Variants in CSMD1 observed in about 807,000 individuals in gnomAD.
The protein encoded by CSMD1 is CUB and Sushi multiple domains 1, also known as CUB and sushi domain-containing protein 1.
In CSMD1, 213 loss-of-function variants were observed where a neutral mutation model predicts 417.5. The ratio of observed to expected loss-of-function variants is 0.51; its 90% CI spans 0.46 to 0.57. CSMD1 has a LOEUF of 0.57. Ranked by LOEUF, CSMD1 falls within the 20% of genes least tolerant of loss-of-function variation. The pLI is 0.00. For synonymous variants in CSMD1, 2,862 were observed against 1,736.8 expected, an observed-to-expected ratio of 1.65 and a Z score of -16.11; for missense variants, 6,923 against 4,529.7, an observed-to-expected ratio of 1.53 and a Z score of -15.17.
In CSMD1 at chr8:3,154,457, G is replaced by C. The variant is rs541528036; in HGVS notation, c.5915-2944C>G. On this transcript the variant is annotated intron_variant, in intron 39 of 69. Transcript: ENST00000635120. ...TATTGGTAAATGTGGTTTTTGTAAA[G>C]GGAAAGGAGTTTATTTTTATAAAAT... Among the ~76,000 whole-genome samples, 16 of 152,312 alleles carry C rather than the reference G, an allele frequency of 1.1e-4. No individual in the cohort carries two copies. In the South Asian group the frequency reaches 1.2e-3, roughly 12 times the overall value.
intron 36 of CSMD1, among the ~76,000 whole-genome samples, chr8:3,183,331 G>A (rs1214126642): frequency 6.9e-6 from 1 of 144,840 alleles, no homozygotes; most frequent in African/African-American, 2.6e-5. Context: ...ATCTATCCCT[G>A]AAATATCGAG....
chr8:4,202,909 C>T (rs1401814092), intron 3 of CSMD1, among the ~76,000 whole-genome samples: 1 of 152,108 alleles, frequency 6.6e-6, no homozygotes, highest in South Asian at 2.1e-4. Context: ...ACTGTGTGGA[C>T]ACCTGGAGTG....
At chr8:3,963,002 T>C (rs751785781) in intron 5 of CSMD1, among the ~76,000 whole-genome samples, 2 of 152,136 alleles carry the variant, frequency 1.3e-5, no homozygotes, top group African/African-American at 2.4e-5. Context: ...GGTGGAGCAA[T>C]CTCGGCTCAC....
At chr8:4,962,197 T>A (rs5017388) in intron 1 of CSMD1, among the ~76,000 whole-genome samples, 14,874 of 121,180 alleles carry the variant, frequency 0.12, 1,117 homozygotes, top group African/African-American at 0.26. Flanking sequence ...GCTTTTTTTT[T>A]AAAAAAAAAA....
chr8:3,488,314 C>T (rs531397332), intron 11 of CSMD1, among the ~76,000 whole-genome samples: 1 of 152,014 alleles, frequency 6.6e-6, no homozygotes, highest in East Asian at 1.9e-4. Context: ...CATCCTGTTG[C>T]CCAGGTTGGT....
intron 5 of CSMD1, among the ~76,000 whole-genome samples, chr8:3,890,119 T>G (rs933862445): frequency 6.6e-6 from 1 of 152,174 alleles, no homozygotes; most frequent in Non-Finnish European, 1.5e-5. Context: ...TAATATAACT[T>G]TGATAGTTTA....
intron 5 of CSMD1, among the ~76,000 whole-genome samples, chr8:3,781,978 G>T (rs1799210901): frequency 6.6e-6 from 1 of 152,050 alleles, no homozygotes; most frequent in African/African-American, 2.4e-5. Flanking sequence ...GTAAGAGAAG[G>T]GATGATGATA....
At chr8:3,808,291 G>A (rs549273083) in intron 5 of CSMD1, among the ~76,000 whole-genome samples, 2 of 151,904 alleles carry the variant, frequency 1.3e-5, no homozygotes, top group Non-Finnish European at 2.9e-5. Flanking sequence ...TTTCATTGTT[G>A]TTCTTTTTAT....
chr8:4,062,650 C>T (rs1799036608), intron 3 of CSMD1, among the ~76,000 whole-genome samples: 1 of 151,826 alleles, frequency 6.6e-6, no homozygotes, highest in Non-Finnish European at 1.5e-5. Flanking sequence ...ATTCAGTAGT[C>T]ACGTGCAGAA....
intron 3 of CSMD1, among the ~76,000 whole-genome samples, chr8:4,089,085 C>A (rs192943127): frequency 6.6e-6 from 1 of 152,142 alleles, no homozygotes; most frequent in African/African-American, 2.4e-5. Context: ...CAAATAGTAC[C>A]ATGTAGGATT....
At chr8:3,045,998 A>G (rs1214852249) in intron 50 of CSMD1, among the ~76,000 whole-genome samples, 1 of 152,232 alleles carries the variant, frequency 6.6e-6, no homozygotes. Flanking sequence ...ACAGGGACTC[A>G]CACACGATGT....
At chr8:4,204,151 C>A (rs1450722761) in intron 3 of CSMD1, among the ~76,000 whole-genome samples, 1 of 152,044 alleles carries the variant, frequency 6.6e-6, no homozygotes, top group Non-Finnish European at 1.5e-5. Flanking sequence ...TTTTCAAGTC[C>A]TGAAATTCAT....
At chr8:3,680,755 A>G (rs553676930) in intron 7 of CSMD1, among the ~76,000 whole-genome samples, 66 of 152,310 alleles carry the variant, frequency 4.3e-4, no homozygotes, top group Non-Finnish European at 7.2e-4. Flanking sequence ...TTTTAGACCA[A>G]TATCCCTGAT....
At chr8:3,825,847 T>C (rs893107870) in intron 5 of CSMD1, among the ~76,000 whole-genome samples, 4 of 152,140 alleles carry the variant, frequency 2.6e-5, no homozygotes, top group Non-Finnish European at 2.9e-5. Flanking sequence ...GAAATAGACA[T>C]ATAGAGACGC....
intron 2 of CSMD1, among the ~76,000 whole-genome samples, chr8:4,426,333 G>GTA (rs1563160877): frequency 6.6e-6 from 1 of 150,480 alleles, no homozygotes; most frequent in Non-Finnish European, 1.5e-5. Context: ...TAATTATGTA[G>GTA]TATATAGCAT....
intron 1 of CSMD1, among the ~76,000 whole-genome samples, chr8:4,669,094 T>G (rs1343833827): frequency 6.6e-6 from 1 of 152,204 alleles, no homozygotes; most frequent in African/African-American, 2.4e-5. Context: ...TTATAAAGCT[T>G]TACTTCAGCT....
chr8:4,538,251 C>G (rs1307342291), intron 2 of CSMD1, among the ~76,000 whole-genome samples: 3 of 142,024 alleles, frequency 2.1e-5, no homozygotes, highest in Non-Finnish European at 4.6e-5. Flanking sequence ...TTATATTTTT[C>G]TAATCCCTCT....
chr8:3,190,631 G>A (rs1239682750), intron 33 of CSMD1, among the ~76,000 whole-genome samples: 7 of 152,084 alleles, frequency 4.6e-5, no homozygotes, highest in South Asian at 4.1e-4. Flanking sequence ...AATCCCACTC[G>A]TGTATACTTA....
intron 41 of CSMD1, chr8:3,128,767 T>C (rs1359472303): frequency 2.4e-6 from 1 of 418,568 alleles, no homozygotes; most frequent in South Asian, 1.8e-5. Flanking sequence ...AGGAAATTAA[T>C]GGCGTACAAT....
Sources: allele counts gnomAD v4.1 joint callset (sites outside exome capture counted in the v4.1 genomes callset), GRCh38; gene constraint gnomAD v4.1.1; transcripts MANE v1.5; gene names NCBI Gene and HGNC (gene_info 2026-07-23, HGNC 2026-07-21).